Variants in FERRY3 observed in about 807,000 individuals in gnomAD.
The protein encoded by FERRY3 is FERRY endosomal RAB5 effector complex subunit 3.
the FERRY3 span, among the ~76,000 whole-genome samples, chr12:4,514,346 A>G: frequency 6.6e-6 from 1 of 151,320 alleles, no homozygotes; most frequent in African/African-American, 2.5e-5. Context: ...GCGATTCCTC[A>G]GGTATCTAGA....
At chr12:4,508,965 G>C in the FERRY3 span, 6 of 152,882 alleles carry the variant, frequency 3.9e-5, no homozygotes. Context: ...CGACGCAGAA[G>C]ACGGGTGATT....
chr12:4,523,979 A>G, the FERRY3 span, among the ~76,000 whole-genome samples: 1 of 152,056 alleles, frequency 6.6e-6, no homozygotes, highest in African/African-American at 2.4e-5. Flanking sequence ...AAAAAAAAAG[A>G]AATTGATTCT....
At chr12:4,503,847 T>G in the FERRY3 span, among the ~76,000 whole-genome samples, 1 of 151,786 alleles carries the variant, frequency 6.6e-6, no homozygotes, top group Non-Finnish European at 1.5e-5. Context: ...GAAACACATA[T>G]AGCAACAAAG....
the FERRY3 span, chr12:4,533,926 T>G: frequency 5.7e-6 from 2 of 349,760 alleles, no homozygotes; most frequent in Non-Finnish European, 5.1e-6. Context: ...CCTGTGCTGG[T>G]GAGATATATG....
the FERRY3 span, among the ~76,000 whole-genome samples, chr12:4,525,767 C>T: frequency 1.3e-5 from 2 of 152,136 alleles, no homozygotes; most frequent in African/African-American, 4.8e-5. Context: ...TAGCCAATAA[C>T]GATGATAGTG....
the FERRY3 span, among the ~76,000 whole-genome samples, chr12:4,517,710 C>CAGAGAGAGAGAG: frequency 2.6e-4 from 34 of 132,300 alleles, no homozygotes; most frequent in African/African-American, 8.9e-4. Flanking sequence ...TATATATAGA[C>CAGAGAGAGAGAG]AGAGAGAGAG....
At chr12:4,501,932 T>C in the FERRY3 span, among the ~76,000 whole-genome samples, 1 of 152,114 alleles carries the variant, frequency 6.6e-6, no homozygotes, top group Non-Finnish European at 1.5e-5. Flanking sequence ...CCTGCGTCTC[T>C]CTCCAACATC....
the FERRY3 span, chr12:4,518,096 A>G: frequency 6.2e-7 from 1 of 1,613,644 alleles, no homozygotes; most frequent in Non-Finnish European, 8.5e-7. Context: ...TCGATTATCT[A>G]CTAGTAAAAC....
the FERRY3 span, chr12:4,534,441 T>C: frequency 2.1e-6 from 2 of 956,112 alleles, no homozygotes; most frequent in Non-Finnish European, 3.0e-6. Flanking sequence ...TCTCTCTCTG[T>C]TACACAGGCT....
chr12:4,535,127 G>A, the FERRY3 span, among the ~76,000 whole-genome samples: 36 of 152,290 alleles, frequency 2.4e-4, no homozygotes, highest in African/African-American at 7.2e-5. This position sits in a 1 kb window ranked among gnomAD's most constrained non-coding sequence, Gnocchi z 4.0. Context: ...ATGATATAAC[G>A]GAAGAGCACT....
chr12:4,504,164 G>A, the FERRY3 span, among the ~76,000 whole-genome samples: 42 of 152,186 alleles, frequency 2.8e-4, no homozygotes, highest in Non-Finnish European at 4.7e-4. Flanking sequence ...TACCAGCAAT[G>A]GGTACAATAT....
chr12:4,497,384 G>A, the FERRY3 span, among the ~76,000 whole-genome samples: 2 of 152,156 alleles, frequency 1.3e-5, no homozygotes, highest in Admixed American at 1.3e-4. Flanking sequence ...AAGGGAGGTG[G>A]CTGCTGGGTG....
the FERRY3 span, chr12:4,488,305 T>G: frequency 3.3e-5 from 5 of 152,236 alleles, no homozygotes; most frequent in African/African-American, 9.6e-5. This position sits in a 1 kb window ranked among gnomAD's most constrained non-coding sequence, Gnocchi z 4.9. Flanking sequence ...CATTCCGATA[T>G]CTGGGCTGCA....
At chr12:4,489,085 C>T in the FERRY3 span, 2 of 152,596 alleles carry the variant, frequency 1.3e-5, no homozygotes, top group Admixed American at 1.3e-4. Flanking sequence ...CACTAAAATA[C>T]TGCCAGGTGC....
the FERRY3 span, chr12:4,488,781 A>G: frequency 2.0e-5 from 3 of 152,200 alleles, no homozygotes; most frequent in African/African-American, 7.2e-5. This position sits in a 1 kb window ranked among gnomAD's most constrained non-coding sequence, Gnocchi z 4.9. Context: ...TGATGAAACT[A>G]TTGCTTTTCT....
chr12:4,505,337 A>T, the FERRY3 span: 1 of 1,606,074 alleles, frequency 6.2e-7, no homozygotes, highest in East Asian at 2.2e-5. Context: ...TCCTCTCAGC[A>T]TTCTTAGTCT....
the FERRY3 span, among the ~76,000 whole-genome samples, chr12:4,506,551 C>T: frequency 6.6e-6 from 1 of 152,064 alleles, no homozygotes; most frequent in Non-Finnish European, 1.5e-5. Flanking sequence ...CTAATCGTAG[C>T]ATAGATTATA....
chr12:4,523,008 G>T, the FERRY3 span, among the ~76,000 whole-genome samples: 3 of 152,308 alleles, frequency 2.0e-5, no homozygotes, highest in Admixed American at 6.5e-5. Context: ...TATTTTGATT[G>T]TGGTGATGAT....
chr12:4,525,099 T>A, the FERRY3 span: 1 of 890,510 alleles, frequency 1.1e-6, no homozygotes, highest in East Asian at 2.5e-5. Context: ...ATAAAGCCTA[T>A]AATGCAAAAG....
Sources: gnomAD v4.1 joint callset for allele counts (sites outside exome capture counted in the v4.1 genomes callset) on GRCh38, gnomAD v4.1.1 for gene constraint, Gnocchi (gnomAD v3.1) non-coding constraint, MANE v1.5 for transcripts, NCBI Gene and HGNC (gene_info 2026-07-23, HGNC 2026-07-21) for gene names.